The following DLG2 variants were observed in gnomAD, a reference collection of about 807,000 sequenced individuals.
DLG2 encodes the protein disks large homolog 2.
In DLG2, 45 loss-of-function variants were observed where a neutral mutation model predicts 132.5. The observed-to-expected ratio is 0.34, with a 90% CI of 0.27 to 0.44. The LOEUF (loss-of-function observed/expected upper bound fraction) is 0.44. Among genes scored for constraint, DLG2 ranks in the 20% least tolerant of loss-of-function variants. DLG2 has a pLI of 1.00. For missense variants in DLG2, 1,045 were observed against 1,196.9 expected, an observed-to-expected ratio of 0.87 and a Z score of 1.87; for synonymous variants, 424 against 419.6, an observed-to-expected ratio of 1.01 and a Z score of -0.13.
At chr11:85,490,310 A>T (rs1374271127) in intron 3 of DLG2, among the ~76,000 whole-genome samples, 1 of 152,088 alleles carries the variant, frequency 6.6e-6, no homozygotes, top group Non-Finnish European at 1.5e-5. Flanking sequence ...TTTGTAGAAA[A>T]TAGTGAAAAA....
chr11:84,774,313 A>G (rs1315687011), intron 6 of DLG2, among the ~76,000 whole-genome samples: 1 of 152,198 alleles, frequency 6.6e-6, no homozygotes, highest in Non-Finnish European at 1.5e-5. Context: ...CGAATGGAAT[A>G]ATCTTCAATG....
intron 3 of DLG2, among the ~76,000 whole-genome samples, chr11:85,444,341 T>C (rs183453629): frequency 3.3e-5 from 5 of 152,188 alleles, no homozygotes; most frequent in Admixed American, 2.6e-4. Flanking sequence ...CAGCTATAGC[T>C]GAGTAAAAAA....
chr11:84,861,638 A>C (rs1447503648), intron 6 of DLG2, among the ~76,000 whole-genome samples: 30 of 66,326 alleles, frequency 4.5e-4, no homozygotes, highest in East Asian at 1.6e-3. Context: ...AAAAAAAAAA[A>C]ACAAAAAAAA....
intron 14 of DLG2, among the ~76,000 whole-genome samples, chr11:83,951,096 T>C (rs1024813431): frequency 6.6e-6 from 1 of 152,090 alleles, no homozygotes; most frequent in Non-Finnish European, 1.5e-5. Flanking sequence ...GAATTAAAGA[T>C]AAATTAAGAG....
chr11:85,075,829 C>T (rs1459099780), intron 6 of DLG2, among the ~76,000 whole-genome samples: 2 of 151,858 alleles, frequency 1.3e-5, no homozygotes, highest in East Asian at 3.9e-4. Context: ...CAGTGGTAAC[C>T]TCTGGGAATA....
At chr11:84,046,472 T>C (rs1566199186) in intron 11 of DLG2, among the ~76,000 whole-genome samples, 1 of 151,564 alleles carries the variant, frequency 6.6e-6, no homozygotes, top group East Asian at 1.9e-4. Flanking sequence ...TCAATGACTA[T>C]TTTTAGGTCC....
intron 6 of DLG2, among the ~76,000 whole-genome samples, chr11:84,891,569 T>C (rs1317699683): frequency 6.6e-6 from 1 of 152,162 alleles, no homozygotes; most frequent in East Asian, 1.9e-4. Flanking sequence ...AATTTTTTCT[T>C]AAATTCTTGA....
intron 6 of DLG2, among the ~76,000 whole-genome samples, chr11:84,907,687 G>A (rs1195278809): frequency 2.0e-5 from 3 of 151,994 alleles, no homozygotes; most frequent in Non-Finnish European, 4.4e-5. Flanking sequence ...TTCTCCTCTG[G>A]GACCACTTAG....
chr11:84,034,394 G>C (rs1184314558), intron 11 of DLG2, among the ~76,000 whole-genome samples: 1 of 152,162 alleles, frequency 6.6e-6, no homozygotes, highest in Non-Finnish European at 1.5e-5. Flanking sequence ...AATAAATTAT[G>C]TGACTTGCTT....
At chr11:85,473,291 G>C (rs2093042929) in intron 3 of DLG2, among the ~76,000 whole-genome samples, 1 of 152,196 alleles carries the variant, frequency 6.6e-6, no homozygotes, top group Non-Finnish European at 1.5e-5. Flanking sequence ...TGGCCACAAG[G>C]TCCCCAGCTG....
chr11:84,328,779 C>T (rs2098445194), intron 7 of DLG2, among the ~76,000 whole-genome samples: 1 of 152,130 alleles, frequency 6.6e-6, no homozygotes, highest in African/African-American at 2.4e-5. Context: ...ATCTCTTTTC[C>T]TTAGAGACCT....
At chr11:84,216,910 G>A (rs915047111) in intron 8 of DLG2, among the ~76,000 whole-genome samples, 1 of 152,106 alleles carries the variant, frequency 6.6e-6, no homozygotes, top group East Asian at 1.9e-4. Flanking sequence ...ATGGAATCAT[G>A]AAAATATAGT....
At chr11:83,527,716 A>G (rs1274519530) in intron 21 of DLG2, among the ~76,000 whole-genome samples, 2 of 151,584 alleles carry the variant, frequency 1.3e-5, no homozygotes, top group East Asian at 1.9e-4. Flanking sequence ...TTACAACATA[A>G]AAGAGACACA....
chr11:84,813,356 T>C (rs117089168), intron 6 of DLG2, among the ~76,000 whole-genome samples: 4 of 152,056 alleles, frequency 2.6e-5, no homozygotes, highest in Admixed American at 6.6e-5. Flanking sequence ...CCTTGAGAAA[T>C]GGCAGCAACT....
chr11:85,057,271 A>T lies in DLG2; in HGVS notation c.357+54390T>A, dbSNP rs139301598. On this transcript the variant is annotated intron_variant, in intron 6 of 27. Coordinates refer to ENST00000376104, the MANE Select transcript of DLG2 (RefSeq NM_001142699.3). ...GTAAAATTGGAATTGCTTAGCTATTAGAAAAGGCTTTAAAATGATAACCAT... is the reference window on the plus strand; with the variant it reads ...GTAAAATTGGAATTGCTTAGCTATTTGAAAAGGCTTTAAAATGATAACCAT... Among the ~76,000 whole-genome samples the T allele has an allele frequency of 4.6e-5, 7 of 151,850 alleles. No individual in the cohort carries two copies. The East Asian group carries it at 1.4e-3, about 29-fold the overall frequency.
At chr11:84,523,937 A>G (rs1411992586) in intron 7 of DLG2, among the ~76,000 whole-genome samples, 1 of 152,270 alleles carries the variant, frequency 6.6e-6, no homozygotes, top group Non-Finnish European at 1.5e-5. Flanking sequence ...TATGTACATA[A>G]AAGAAGTAGA....
At chr11:83,774,905 A>G (rs887536171) in intron 18 of DLG2, among the ~76,000 whole-genome samples, 4 of 152,128 alleles carry the variant, frequency 2.6e-5, no homozygotes, top group Admixed American at 6.5e-5. Context: ...GAGGTCTCAC[A>G]GCTAGCAAGT....
intron 7 of DLG2, among the ~76,000 whole-genome samples, chr11:84,318,867 T>C (rs1022079641): frequency 6.6e-6 from 1 of 152,098 alleles, no homozygotes; most frequent in East Asian, 1.9e-4. Context: ...AAACAGGCAG[T>C]AAATACATAC....
intron 7 of DLG2, among the ~76,000 whole-genome samples, chr11:84,264,168 C>T (rs1277970473): frequency 6.6e-6 from 1 of 152,138 alleles, no homozygotes; most frequent in Non-Finnish European, 1.5e-5. Flanking sequence ...CTGGCATTTG[C>T]TGATGCCAAA....
Sources: gnomAD v4.1 joint callset for allele counts (sites outside exome capture counted in the v4.1 genomes callset) on GRCh38, gnomAD v4.1.1 for gene constraint, MANE v1.5 for transcripts, NCBI Gene and HGNC (gene_info 2026-07-23, HGNC 2026-07-21) for gene names.